DMRT1: variants seen among roughly 807,000 people sequenced by gnomAD.
DMRT1 encodes the protein doublesex- and mab-3-related transcription factor 1.
DMRT1 carries 7 observed loss-of-function variants against 32.3 expected under a neutral mutation model. The ratio of observed to expected loss-of-function variants is 0.22; its 90% CI spans 0.12 to 0.41. The LOEUF (loss-of-function observed/expected upper bound fraction) is 0.41, where lower values mean the gene tolerates loss of function less well. Ranked by LOEUF, DMRT1 falls within the 10% of genes least tolerant of loss-of-function variation. The pLI is 1.00. For synonymous variants in DMRT1, 278 were observed against 206.1 expected, an observed-to-expected ratio of 1.35 and a Z score of -2.99; for missense variants, 625 against 500.5, an observed-to-expected ratio of 1.25 and a Z score of -2.37.
At chr9:886,420 G>A (rs1364096718) in intron 2 of DMRT1, among the ~76,000 whole-genome samples, 3 of 152,044 alleles carry the variant, frequency 2.0e-5, no homozygotes, top group East Asian at 1.9e-4. Flanking sequence ...ATACACGCCC[G>A]GCTAGTTTTT....
intron 2 of DMRT1, among the ~76,000 whole-genome samples, chr9:858,870 A>AAAAAAAATATATAT (rs1815525305): frequency 4.2e-5 from 2 of 48,076 alleles, no homozygotes; most frequent in Admixed American, 4.0e-4. Context: ...AAAAAAAAAA[A>AAAAAAAATATATAT]ATATATATAT....
intron 4 of DMRT1, among the ~76,000 whole-genome samples, chr9:922,682 G>T (rs1295758620): frequency 6.6e-6 from 1 of 152,194 alleles, no homozygotes; most frequent in Non-Finnish European, 1.5e-5. Flanking sequence ...AGTTAGAAAT[G>T]GTGCCTTATT....
At chr9:842,516 G>A (rs1838731441) in intron 1 of DMRT1, among the ~76,000 whole-genome samples, 1 of 152,172 alleles carries the variant, frequency 6.6e-6, no homozygotes, top group African/African-American at 2.4e-5. Flanking sequence ...GATTACAGGC[G>A]TGGGCCACCG....
intron 2 of DMRT1, among the ~76,000 whole-genome samples, chr9:867,812 C>T (rs1048093067): frequency 6.6e-6 from 1 of 152,134 alleles, no homozygotes; most frequent in Non-Finnish European, 1.5e-5. Context: ...CCAAGGCTCC[C>T]TTTGCTTTCT....
intron 2 of DMRT1, among the ~76,000 whole-genome samples, chr9:875,997 C>T (rs957813970): frequency 9.9e-5 from 15 of 152,032 alleles, no homozygotes; most frequent in Admixed American, 9.8e-4. Context: ...AACTCGAGTT[C>T]CCGCCCCTAC....
Position 894,173 on chromosome 9 carries a change from G to T in DMRT1, c.800G>T (p.Gly267Val), listed in dbSNP as rs751511120. 6.2e-7 allele frequency: 1 copy of T among 1,613,792 alleles called. No individual in the cohort carries two copies. The highest frequency in any genetic ancestry group is 8.5e-7 in the Non-Finnish European group (1 of 1,180,044). ...LRGLPGPYVPGQTGNQWQMKN... is the reference protein window; with the variant it reads ...LRGLPGPYVPVQTGNQWQMKN... ...GGCCTCCCCGGACCTTATGTGCCTG[G>T]TCAGACAGGAAACCAGTGGCAGGTA... The change falls in exon 3 of 5, where the codon GGT (glycine) becomes GTT (valine). Residue 267 changes from glycine (G) to valine (V), a missense_variant. Around this residue, in one of 3 missense-constraint regions of DMRT1, gnomAD observed 416 missense variants for 321.6 expected, o/e 1.29. Coordinates refer to ENST00000382276, the MANE Select transcript of DMRT1 (RefSeq NM_021951.3).
chr9:874,030 T>G (rs1161431228), intron 2 of DMRT1, among the ~76,000 whole-genome samples: 1 of 152,234 alleles, frequency 6.6e-6, no homozygotes, highest in Non-Finnish European at 1.5e-5. Flanking sequence ...TATTTTGTAT[T>G]TCTCTTAAGA....
chr9:881,603 T>C lies in DMRT1; in HGVS notation c.539-12309T>C, dbSNP rs79550849. On this transcript the variant is annotated intron_variant, in intron 2 of 4. Transcript: ENST00000382276. ...CCTGATAAATTAGGCTTCTCCATTTTAAGTTGTTTGATTACAGTTGAGAGC... is the reference window on the plus strand; with the variant it reads ...CCTGATAAATTAGGCTTCTCCATTTCAAGTTGTTTGATTACAGTTGAGAGC... Among the ~76,000 whole-genome samples, 1,144 of 152,332 alleles carry C rather than the reference T, an allele frequency of 7.5e-3. 10 individuals are homozygous for C. Among genetic ancestry groups the C allele is most frequent in the African/African-American group, 0.026 (1,090 of 41,564 alleles).
At chr9:848,406 G>GGTGTGTCTGT (rs1231798402) in intron 2 of DMRT1, among the ~76,000 whole-genome samples, 1 of 152,074 alleles carries the variant, frequency 6.6e-6, no homozygotes, top group East Asian at 1.9e-4. Context: ...AAAGCAGGAA[G>GGTGTGTCTGT]GTGTGTCTGT....
intron 4 of DMRT1, among the ~76,000 whole-genome samples, chr9:929,996 T>C (rs1818656658): frequency 6.6e-6 from 1 of 152,184 alleles, no homozygotes; most frequent in African/African-American, 2.4e-5. Flanking sequence ...TTCTGTATGC[T>C]GTGGAATGGA....
intron 4 of DMRT1, among the ~76,000 whole-genome samples, chr9:957,865 C>T (rs911436324): frequency 1.1e-4 from 16 of 152,190 alleles, no homozygotes; most frequent in African/African-American, 3.9e-4. Flanking sequence ...CAAAAATTAG[C>T]CAGATGTGGT....
At chr9:908,210 G>A (rs1817846990) in intron 3 of DMRT1, among the ~76,000 whole-genome samples, 1 of 152,120 alleles carries the variant, frequency 6.6e-6, no homozygotes. Flanking sequence ...CCTAGCTCTT[G>A]GAGGGGGGCC....
At chr9:927,999 A>G (rs574354580) in intron 4 of DMRT1, among the ~76,000 whole-genome samples, 5 of 152,288 alleles carry the variant, frequency 3.3e-5, no homozygotes, top group Admixed American at 2.0e-4. Context: ...TGTTGAGCAC[A>G]TATGCTTGGG....
chr9:945,870 G>C (rs1185038275), intron 4 of DMRT1, among the ~76,000 whole-genome samples: 1 of 151,182 alleles, frequency 6.6e-6, no homozygotes, highest in African/African-American at 2.4e-5. Context: ...CAGACCTTTT[G>C]CTATGAAATT....
intron 4 of DMRT1, among the ~76,000 whole-genome samples, chr9:963,475 C>T (rs916810487): frequency 2.0e-5 from 3 of 152,000 alleles, no homozygotes; most frequent in African/African-American, 7.2e-5. Flanking sequence ...CTATTTTTTT[C>T]TCAGCTTGTG....
intron 4 of DMRT1, among the ~76,000 whole-genome samples, chr9:920,145 G>T (rs904798837): frequency 6.6e-6 from 1 of 152,146 alleles, no homozygotes; most frequent in African/African-American, 2.4e-5. Context: ...AGTCTGAGGG[G>T]GAGGGGAAAT....
chr9:934,547 A>T lies in DMRT1; in HGVS notation c.967+17640A>T, dbSNP rs964938146. Reference sequence around the variant, plus strand: ...CCCTGTCTCAAAAATTAAAAAATTTAAAAATTTTAAAAAGAGAAGTCATTG... The same window carrying T: ...CCCTGTCTCAAAAATTAAAAAATTTTAAAATTTTAAAAAGAGAAGTCATTG... On this transcript the variant is annotated intron_variant, in intron 4 of 4. Coordinates refer to ENST00000382276, the MANE Select transcript of DMRT1 (RefSeq NM_021951.3). Among the ~76,000 whole-genome samples, 3 of 152,210 alleles carry T rather than the reference A, an allele frequency of 2.0e-5. No individual in the cohort carries two copies. The South Asian group carries it at 6.2e-4, about 32-fold the overall frequency.
At chr9:919,235 G>A (rs570643203) in intron 4 of DMRT1, among the ~76,000 whole-genome samples, 1 of 152,210 alleles carries the variant, frequency 6.6e-6, no homozygotes, top group South Asian at 2.1e-4. Context: ...TTTTCAGTAG[G>A]TTTAATGTCT....
chr9:879,233 CAA>C (rs1281886663), intron 2 of DMRT1, among the ~76,000 whole-genome samples: 1 of 151,844 alleles, frequency 6.6e-6, no homozygotes, highest in African/African-American at 2.4e-5. Context: ...TTGAGGACCT[CAA>C]GAGCTTTTAT....
Sources: gnomAD v4.1 joint callset for allele counts (sites outside exome capture counted in the v4.1 genomes callset) on GRCh38, gnomAD v4.1.1 for gene constraint, gnomAD v4.1.1 regional missense constraint, MANE v1.5 for transcripts, NCBI Gene and HGNC (gene_info 2026-07-23, HGNC 2026-07-21) for gene names.